The following SKAP1 variants were observed in gnomAD, a reference collection of about 807,000 sequenced individuals.
SKAP1 encodes src kinase associated phosphoprotein 1.
In SKAP1, 44 loss-of-function variants were observed where a neutral mutation model predicts 58.5. The observed-to-expected ratio is 0.75, with a 90% CI of 0.59 to 0.97. The LOEUF is 0.97. Ranked by LOEUF, SKAP1 falls within the 50% of genes least tolerant of loss-of-function variation. The probability of loss-of-function intolerance (pLI) is 0.00; values close to 1 mark genes in which losing one functional copy is unlikely to be tolerated. For missense variants in SKAP1, 390 were observed against 435.2 expected (o/e 0.90, Z 0.92); for synonymous variants, 127 against 149.7 (o/e 0.85, Z 1.11).
intron 3 of SKAP1, among the ~76,000 whole-genome samples, chr17:48,347,410 A>AT (rs578148651): frequency 2.6e-5 from 4 of 152,306 alleles, no homozygotes; most frequent in Non-Finnish European, 5.9e-5. Flanking sequence ...ATTTCCTACA[A>AT]TTAAACTAGA....
intron 4 of SKAP1, among the ~76,000 whole-genome samples, chr17:48,291,137 A>C (rs2065892697): frequency 6.6e-6 from 1 of 152,156 alleles, no homozygotes; most frequent in African/African-American, 2.4e-5. Context: ...CAAAAACAAA[A>C]ACAAAATCAT....
At chr17:48,161,749 C>T (rs1293574995) in intron 11 of SKAP1, among the ~76,000 whole-genome samples, 1 of 152,086 alleles carries the variant, frequency 6.6e-6, no homozygotes, top group South Asian at 2.1e-4. Flanking sequence ...TGACTCCTCC[C>T]CCATACATAA....
At chr17:48,266,131 C>A (rs1017868780) in intron 4 of SKAP1, among the ~76,000 whole-genome samples, 2 of 151,910 alleles carry the variant, frequency 1.3e-5, no homozygotes, top group African/African-American at 4.8e-5. Flanking sequence ...CACACCCACA[C>A]CTACACACAC....
chr17:48,317,080 G>T (rs1490157267), intron 4 of SKAP1, among the ~76,000 whole-genome samples: 4 of 152,108 alleles, frequency 2.6e-5, no homozygotes, highest in East Asian at 1.9e-4. Context: ...GCTCATGCAG[G>T]AGCGAAAAGT....
intron 4 of SKAP1, among the ~76,000 whole-genome samples, chr17:48,214,615 C>CTTT (rs36055537): frequency 6.9e-6 from 1 of 144,668 alleles, no homozygotes; most frequent in Non-Finnish European, 1.5e-5. Flanking sequence ...TCTCCAGTTC[C>CTTT]TTTTTTTTTT....
chr17:48,205,214 A>G (rs1310482664), intron 4 of SKAP1, among the ~76,000 whole-genome samples: 1 of 150,988 alleles, frequency 6.6e-6, no homozygotes, highest in Non-Finnish European at 1.5e-5. Flanking sequence ...GGCTTAAGCA[A>G]TCCTCCCACC....
intron 1 of SKAP1, among the ~76,000 whole-genome samples, chr17:48,424,249 G>A (rs1427416176): frequency 3.6e-5 from 4 of 111,582 alleles, no homozygotes; most frequent in Middle Eastern, 5.5e-3. Context: ...TTTTGAGAAC[G>A]GAGTCTCGCT....
At chr17:48,229,665 T>A (rs1312036150) in intron 4 of SKAP1, among the ~76,000 whole-genome samples, 1 of 151,954 alleles carries the variant, frequency 6.6e-6, no homozygotes, top group Non-Finnish European at 1.5e-5. Flanking sequence ...ATAAATAAAA[T>A]ATTTGCAGTT....
chr17:48,239,185 T>C (rs1319092324), intron 4 of SKAP1, among the ~76,000 whole-genome samples: 6 of 152,058 alleles, frequency 3.9e-5, no homozygotes. Context: ...ACAATAACCA[T>C]CTCTGGACAG....
At chr17:48,289,258 T>C (rs1567854195) in intron 4 of SKAP1, among the ~76,000 whole-genome samples, 1 of 152,142 alleles carries the variant, frequency 6.6e-6, no homozygotes, top group Non-Finnish European at 1.5e-5. Context: ...TTATGAGTAA[T>C]ATCATATTCA....
intron 11 of SKAP1, among the ~76,000 whole-genome samples, chr17:48,151,246 C>A (rs956905526): frequency 6.6e-6 from 1 of 152,118 alleles, no homozygotes; most frequent in Non-Finnish European, 1.5e-5. Flanking sequence ...TATCTAGATG[C>A]ACTTCTGTTA....
Position 48,187,854 on chromosome 17 carries a change from G to A in SKAP1, c.431C>T (p.Ala144Val). ...TGAAGAACACTTACTCTTCTCATTA[G>A]CATAGTAGTAGAAGAGACCTCTGCT... Reference protein sequence around the residue: ...VVSRGLFYYYANEKSKQPKGT... With the variant: ...VVSRGLFYYYVNEKSKQPKGT... The change falls in exon 6 of 13, where the codon GCT becomes GTT. Residue 144 changes from alanine (A) to valine (V), a missense_variant. Coordinates refer to ENST00000336915, the MANE Select transcript of SKAP1 (RefSeq NM_003726.4). 1 of 1,608,240 alleles carries A rather than the reference G, an allele frequency of 6.2e-7. No homozygotes were observed. Among genetic ancestry groups the A allele is most frequent in the Non-Finnish European group, 8.5e-7 (1 of 1,174,700 alleles).
chr17:48,398,459 A>G (rs1228905862), intron 1 of SKAP1, among the ~76,000 whole-genome samples: 1 of 152,100 alleles, frequency 6.6e-6, no homozygotes, highest in African/African-American at 2.4e-5. Context: ...TTCATTATAT[A>G]TTACAATGTA....
At chr17:48,146,391 G>C (rs2063833196) in intron 11 of SKAP1, among the ~76,000 whole-genome samples, 1 of 151,724 alleles carries the variant, frequency 6.6e-6, no homozygotes, top group Admixed American at 6.6e-5. Flanking sequence ...TACTCGGGAG[G>C]CTAAGGCAGG....
At position 48,137,326 on chromosome 17, in the gene SKAP1, C is replaced by T. The variant is rs1419759414; in HGVS notation, c.990G>A (p.Met330Ile). The change falls in exon 12 of 13, where the codon ATG becomes ATA. Residue 330 changes from methionine to isoleucine, a missense_variant. Physicochemically the swap from Met to Ile is conservative, Grantham distance 10. Coordinates refer to ENST00000336915, the MANE Select transcript of SKAP1 (RefSeq NM_003726.4). ...TCAGTTCTCCCACCCACCAGCCATACATGTTATACTCCTGAAAAGTGAAAA... is the reference window on the plus strand; with the variant it reads ...TCAGTTCTCCCACCCACCAGCCATATATGTTATACTCCTGAAAAGTGAAAA... ...LIRILSKEYN[M>I]YGWWVGELNS... 6 of 1,612,264 alleles carry T rather than the reference C, an allele frequency of 3.7e-6. No individual in the cohort carries two copies. Among genetic ancestry groups the T allele is most frequent in the Non-Finnish European group, 5.1e-6 (6 of 1,178,464 alleles).
At chr17:48,418,787 C>CA (rs2144604254) in intron 1 of SKAP1, among the ~76,000 whole-genome samples, 1 of 152,248 alleles carries the variant, frequency 6.6e-6, no homozygotes, top group East Asian at 1.9e-4. Context: ...CCAATACACA[C>CA]AATAACATGG....
chr17:48,405,389 T>C (rs1223829701), intron 1 of SKAP1, among the ~76,000 whole-genome samples: 5 of 147,620 alleles, frequency 3.4e-5, no homozygotes, highest in Admixed American at 2.1e-4. Flanking sequence ...TTTTTTTCTC[T>C]TTCCTTTCTT....
At chr17:48,188,336 A>C (rs2064486889) in intron 5 of SKAP1, among the ~76,000 whole-genome samples, 1 of 152,336 alleles carries the variant, frequency 6.6e-6, no homozygotes, top group Admixed American at 6.5e-5. Context: ...TTGAGTGTTA[A>C]ACCTGAGATG....
intron 9 of SKAP1, among the ~76,000 whole-genome samples, chr17:48,175,408 G>T (rs946429008): frequency 1.3e-5 from 2 of 152,188 alleles, no homozygotes; most frequent in African/African-American, 4.8e-5. Context: ...CTGCTCCCCC[G>T]CATGCACAGA....
Sources: gnomAD v4.1 joint callset for allele counts (sites outside exome capture counted in the v4.1 genomes callset) on GRCh38, gnomAD v4.1.1 for gene constraint, MANE v1.5 for transcripts, NCBI Gene and HGNC (gene_info 2026-07-23, HGNC 2026-07-21) for gene names.